Variants in ASXL3 observed in about 807,000 individuals in gnomAD.
ASXL3 encodes putative Polycomb group protein ASXL3.
A neutral mutation model predicts 170.6 loss-of-function variants in ASXL3; 34 were observed. The observed-to-expected ratio is 0.20, with a 90% CI of 0.15 to 0.27. The LOEUF is 0.27. Ranked by LOEUF, ASXL3 falls within the 10% of genes least tolerant of loss-of-function variation. The probability of loss-of-function intolerance (pLI) is 1.00; values close to 1 mark genes in which losing one functional copy is unlikely to be tolerated. For synonymous variants in ASXL3, 1,002 were observed against 989.1 expected (o/e 1.01, Z -0.24); for missense variants, 2,592 against 2,695.3 (o/e 0.96, Z 0.85).
chr18:33,659,928 C>T (rs1477055136), intron 4 of ASXL3, among the ~76,000 whole-genome samples: 1 of 152,068 alleles, frequency 6.6e-6, no homozygotes, highest in Non-Finnish European at 1.5e-5. Flanking sequence ...TAAGTTTTTC[C>T]TTGTCGGGGG....
At chr18:33,690,931 ACTC>A (rs1420634587) in intron 8 of ASXL3, among the ~76,000 whole-genome samples, 1 of 149,904 alleles carries the variant, frequency 6.7e-6, no homozygotes, top group East Asian at 2.0e-4. Context: ...GGACTCTAAA[ACTC>A]CTCTCCAGGC....
At position 33,740,364 on chromosome 18, in the gene ASXL3, C is replaced by T; in HGVS notation, c.2960C>T (p.Ser987Leu). The T allele has an allele frequency of 1.2e-6, 2 of 1,609,860 alleles. No individual in the cohort carries two copies. Among genetic ancestry groups the T allele is most frequent in the East Asian group, 2.2e-5 (1 of 44,800 alleles). The change falls in exon 11 of 12, where the codon TCA becomes TTA. Residue 987 changes from serine to leucine, a missense_variant. This residue lies in a region of ASXL3 where 2,246 missense variants were observed against 2,219.6 expected (regional missense o/e 1.01). Transcript: ENST00000269197. ...EKRARIEDDQ[S>L]TRNISSSSPP... is the part of the protein sequence containing the mutation. ...AGAGCTAGGATAGAAGATGATCAGT[C>T]AACCCGGAACATATCATCTAGCAGC...
chr18:33,587,984 TA>T (rs1400532367), intron 1 of ASXL3, among the ~76,000 whole-genome samples: 1 of 152,148 alleles, frequency 6.6e-6, no homozygotes, highest in Non-Finnish European at 1.5e-5. Context: ...ATGTTCTCTT[TA>T]TTTTTGAAGT....
intron 2 of ASXL3, among the ~76,000 whole-genome samples, chr18:33,608,641 T>TTTGTG (rs1433686226): frequency 2.0e-5 from 3 of 151,992 alleles, no homozygotes; most frequent in Non-Finnish European, 4.4e-5. Flanking sequence ...ATCAGCCATG[T>TTTGTG]TACATAGAAT....
intron 2 of ASXL3, among the ~76,000 whole-genome samples, chr18:33,633,139 A>G (rs1009672439): frequency 6.6e-6 from 1 of 152,182 alleles, no homozygotes; most frequent in Non-Finnish European, 1.5e-5. Flanking sequence ...AAAGATTGAT[A>G]CTATCCGTCA....
intron 10 of ASXL3, among the ~76,000 whole-genome samples, chr18:33,735,164 G>A (rs2067522960): frequency 6.6e-6 from 1 of 152,184 alleles, no homozygotes; most frequent in Non-Finnish European, 1.5e-5. Flanking sequence ...ATACTTGAAA[G>A]TTGTTATTTT....
At chr18:33,679,418 A>C (rs1357704150) in intron 7 of ASXL3, among the ~76,000 whole-genome samples, 1 of 152,122 alleles carries the variant, frequency 6.6e-6, no homozygotes, top group Non-Finnish European at 1.5e-5. Context: ...ACAACTTGTA[A>C]AATTTTATGT....
Position 33,683,923 on chromosome 18 carries a change from C to G in ASXL3, c.879+355C>G, listed in dbSNP as rs192632565. On this transcript the variant is annotated intron_variant, in intron 8 of 11. Coordinates refer to ENST00000269197, the MANE Select transcript of ASXL3 (RefSeq NM_030632.3). ...ATGCAGCAATAAAAAGCCAGGGTTTCTAAAAAATTATGTAAATGTTTTCAT... is the reference window on the plus strand; with the variant it reads ...ATGCAGCAATAAAAAGCCAGGGTTTGTAAAAAATTATGTAAATGTTTTCAT... Among the ~76,000 whole-genome samples, 3 of 152,208 alleles carry G rather than the reference C, an allele frequency of 2.0e-5. No homozygotes were observed. The East Asian group carries it at 5.8e-4, about 29-fold the overall frequency.
At chr18:33,622,300 T>C (rs2065527885) in intron 2 of ASXL3, among the ~76,000 whole-genome samples, 1 of 152,156 alleles carries the variant, frequency 6.6e-6, no homozygotes, top group Non-Finnish European at 1.5e-5. Flanking sequence ...ATCCCTGACC[T>C]TCCTATTGTC....
At chr18:33,660,320 T>A (rs1195424117) in intron 4 of ASXL3, among the ~76,000 whole-genome samples, 1 of 152,182 alleles carries the variant, frequency 6.6e-6, no homozygotes, top group African/African-American at 2.4e-5. Context: ...CTGATTACTT[T>A]CTGTATTAAC....
At chr18:33,685,624 A>G (rs1243879471) in intron 8 of ASXL3, among the ~76,000 whole-genome samples, 1 of 152,208 alleles carries the variant, frequency 6.6e-6, no homozygotes, top group African/African-American at 2.4e-5. Context: ...GTAATTTATG[A>G]AGAAAAGAGA....
chr18:33,613,396 G>A (rs1465509436), intron 2 of ASXL3, among the ~76,000 whole-genome samples: 2 of 151,902 alleles, frequency 1.3e-5, no homozygotes, highest in Admixed American at 1.3e-4. Flanking sequence ...CCTCAAAACC[G>A]ACTGCAGTTT....
At chr18:33,672,752 G>A (rs985144466) in intron 7 of ASXL3, among the ~76,000 whole-genome samples, 1 of 152,108 alleles carries the variant, frequency 6.6e-6, no homozygotes, top group African/African-American at 2.4e-5. Flanking sequence ...TTTGCAGAGT[G>A]TATTTGTTTA....
intron 2 of ASXL3, chr18:33,627,069 G>A (rs1342048600): frequency 6.6e-6 from 1 of 152,552 alleles, no homozygotes; most frequent in African/African-American, 2.4e-5. Flanking sequence ...CATTCCTTCC[G>A]GGTAGGTACC....
At chr18:33,676,475 A>G (rs1470770173) in intron 7 of ASXL3, among the ~76,000 whole-genome samples, 1 of 152,080 alleles carries the variant, frequency 6.6e-6, no homozygotes, top group Admixed American at 6.5e-5. Flanking sequence ...TGCTTCTAAA[A>G]TGGTATGTAT....
chr18:33,645,301 T>C (rs962843302), intron 3 of ASXL3, among the ~76,000 whole-genome samples: 3 of 151,964 alleles, frequency 2.0e-5, no homozygotes, highest in Non-Finnish European at 2.9e-5. Context: ...GCCAGGAGTT[T>C]AAGATGAGCA....
At chr18:33,713,902 A>T (rs1413850444) in intron 8 of ASXL3, among the ~76,000 whole-genome samples, 1 of 152,170 alleles carries the variant, frequency 6.6e-6, no homozygotes, top group African/African-American at 2.4e-5. Context: ...TAGAAAGAAA[A>T]TTTTGTATGT....
chr18:33,750,935 C>A lies in ASXL3; in HGVS notation c.*4340C>A, dbSNP rs1172180454. 1 of 152,192 alleles carries A rather than the reference C, an allele frequency of 6.6e-6. No individual in the cohort carries two copies. The highest frequency in any genetic ancestry group is 6.5e-5 in the Admixed American group (1 of 15,284). 9.4% of individuals were successfully genotyped at this position (152,192 alleles called of 1,614,324 possible). A position where few individuals can be genotyped will look rare whatever the true frequency, so the allele number is the denominator to read the frequency against. Reference sequence around the variant, plus strand: ...CCTGACTAAATGTGACTGAGTGCAACAAGCATTTAAGAAAATTTTTAGACA... The same window carrying A: ...CCTGACTAAATGTGACTGAGTGCAAAAAGCATTTAAGAAAATTTTTAGACA... On this transcript the variant is annotated 3_prime_UTR_variant, in exon 12 of 12. Coordinates refer to ENST00000269197, the MANE Select transcript of ASXL3 (RefSeq NM_030632.3).
intron 2 of ASXL3, among the ~76,000 whole-genome samples, chr18:33,638,328 G>A (rs955181928): frequency 5.3e-5 from 8 of 151,958 alleles, no homozygotes; most frequent in East Asian, 1.9e-4. Flanking sequence ...CGCACAAAAT[G>A]TTGGGATTAC....
Sources: allele counts gnomAD v4.1 joint callset (sites outside exome capture counted in the v4.1 genomes callset), GRCh38; gene constraint gnomAD v4.1.1; regional missense constraint gnomAD v4.1.1; transcripts MANE v1.5; gene names NCBI Gene and HGNC (gene_info 2026-07-23, HGNC 2026-07-21).